Variants in ARHGAP5 observed in about 807,000 individuals in gnomAD.
The protein encoded by ARHGAP5 is Rho GTPase activating protein 5, also known as rho GTPase-activating protein 5.
In ARHGAP5, 23 loss-of-function variants were observed where a neutral mutation model predicts 116.6. That is an observed-to-expected ratio of 0.20 (90% confidence interval 0.14 to 0.28). ARHGAP5 has a LOEUF of 0.28. Among genes scored for constraint, ARHGAP5 ranks in the 10% least tolerant of loss-of-function variants. The pLI, the probability that ARHGAP5 is intolerant of heterozygous loss-of-function variation, is 1.00. For missense variants in ARHGAP5, 1,405 were observed against 1,774.8 expected (o/e 0.79, Z 3.74); for synonymous variants, 574 against 602.0 (o/e 0.95, Z 0.68).
intron 2 of ARHGAP5, among the ~76,000 whole-genome samples, chr14:32,096,379 G>A (rs973200439): frequency 3.9e-5 from 6 of 152,060 alleles, no homozygotes; most frequent in East Asian, 1.9e-4. Context: ...TACAGAGACC[G>A]TATGAAAAGT....
At chr14:32,088,781 TG>T (rs2041855938) in intron 1 of ARHGAP5, among the ~76,000 whole-genome samples, 1 of 152,034 alleles carries the variant, frequency 6.6e-6, no homozygotes, top group Non-Finnish European at 1.5e-5. Flanking sequence ...CAGCTTCCCA[TG>T]GTTCCAAGAA....
In ARHGAP5 at chr14:32,155,556, A is replaced by C. The variant is rs1488541038; in HGVS notation, c.*608A>C. The stretch of plus-strand genomic sequence containing the variant: ...AAACCCGTGGATGATTTGATGAGGG[A>C]TAAATGAACCTATTTCTTTTACACA... On this transcript the variant is annotated 3_prime_UTR_variant, in exon 7 of 7. Coordinates refer to ENST00000345122, the MANE Select transcript of ARHGAP5 (RefSeq NM_001030055.2). 1 of 152,812 alleles carries C rather than the reference A, an allele frequency of 6.5e-6. No homozygotes were observed. Among genetic ancestry groups the C allele is most frequent in the Non-Finnish European group, 1.5e-5 (1 of 68,154 alleles). The allele number at this position is 152,812 out of a possible 1,614,324, so 9.5% of individuals were successfully genotyped here. A position where few individuals can be genotyped will look rare whatever the true frequency, so the allele number is the denominator to read the frequency against.
intron 2 of ARHGAP5, among the ~76,000 whole-genome samples, chr14:32,107,918 C>T (rs1879089795): frequency 6.6e-6 from 1 of 152,054 alleles, no homozygotes; most frequent in African/African-American, 2.4e-5. Context: ...GAAGGGAGAA[C>T]TCACAACTGA....
intron 2 of ARHGAP5, among the ~76,000 whole-genome samples, chr14:32,105,597 A>G (rs963905786): frequency 6.6e-6 from 1 of 152,130 alleles, no homozygotes; most frequent in Non-Finnish European, 1.5e-5. Context: ...AATATGATCT[A>G]CAGATCTTAT....
chr14:32,098,153 A>C (rs1447230370), intron 2 of ARHGAP5, among the ~76,000 whole-genome samples: 2 of 152,222 alleles, frequency 1.3e-5, no homozygotes. Context: ...TAGCATGGAC[A>C]CTTCTGAAGA....
chr14:32,077,547 A>T, intron 1 of ARHGAP5, 112 bp downstream of exon 1: 1 of 597,732 alleles, frequency 1.7e-6, no homozygotes. Flanking sequence ...AACCAGTTGA[A>T]GGGGCTGGGG....
chr14:32,114,582 A>C (rs985192267), intron 2 of ARHGAP5, among the ~76,000 whole-genome samples: 1 of 152,152 alleles, frequency 6.6e-6, no homozygotes, highest in African/African-American at 2.4e-5. Context: ...CCCCCTTGAT[A>C]ACATTCCAGA....
Position 32,092,097 on chromosome 14 carries a change from T to C in ARHGAP5, c.1428T>C (p.Gly476=). 1 of 1,613,926 alleles carries C rather than the reference T, an allele frequency of 6.2e-7. No individual in the cohort carries two copies. The highest frequency in any genetic ancestry group is 8.5e-7 in the Non-Finnish European group (1 of 1,179,838). The change falls in exon 2 of 7, where the codon GGT becomes GGC. Residue 476 remains glycine (G), a synonymous_variant. Coordinates refer to ENST00000345122, the MANE Select transcript of ARHGAP5 (RefSeq NM_001030055.2). This position sits in a 1 kb window ranked among gnomAD's most constrained non-coding sequence, Gnocchi z 4.1. ...AGGCTGATAGCAAAGAGGTATATGGTAGGCATCAGCGAGAAATAGTTGAAA... is the reference window on the plus strand; with the variant it reads ...AGGCTGATAGCAAAGAGGTATATGGCAGGCATCAGCGAGAAATAGTTGAAA... ...ITEADSKEVY[G]RHQREIVEKA...
intron 1 of ARHGAP5, among the ~76,000 whole-genome samples, chr14:32,079,432 C>T (rs1489129245): frequency 6.6e-6 from 1 of 152,122 alleles, no homozygotes; most frequent in Non-Finnish European, 1.5e-5. Flanking sequence ...AAAATTATTA[C>T]CTTAATTCTG....
Position 32,092,041 on chromosome 14 carries a change from A to T in ARHGAP5, c.1372A>T (p.Met458Leu). 1 of 1,613,766 alleles carries T rather than the reference A, an allele frequency of 6.2e-7. No individual in the cohort carries two copies. The highest frequency in any genetic ancestry group is 8.5e-7 in the Non-Finnish European group (1 of 1,179,766). Reference protein sequence around the residue: ...QPWEEVMCFVMEDEAYKYITE... With the variant: ...QPWEEVMCFVLEDEAYKYITE... ...ATGGGAGGAAGTTATGTGCTTTGTT[A>T]TGGAGGATGAAGCCTACAAATATAT... The change falls in exon 2 of 7, where the codon ATG (methionine) becomes TTG (leucine). Residue 458 changes from methionine to leucine, a missense_variant. By Grantham distance (15) the Met-to-Leu change is conservative (BLOSUM62 2). Coordinates refer to ENST00000345122, the MANE Select transcript of ARHGAP5 (RefSeq NM_001030055.2). The surrounding 1 kb of genome is among the most constrained non-coding windows in gnomAD (Gnocchi z 4.1).
chr14:32,115,306 AT>A (rs1879497517), intron 2 of ARHGAP5, among the ~76,000 whole-genome samples: 1 of 152,108 alleles, frequency 6.6e-6, no homozygotes, highest in Non-Finnish European at 1.5e-5. Flanking sequence ...TTCTTACTTA[AT>A]TTTGTCTTTT....
chr14:32,141,694 C>G (rs988712634), intron 3 of ARHGAP5, among the ~76,000 whole-genome samples: 1 of 152,104 alleles, frequency 6.6e-6, no homozygotes, highest in African/African-American at 2.4e-5. Context: ...GACATGTATA[C>G]TAGTGACAAT....
At chr14:32,116,041 A>T (rs1266994756) in intron 2 of ARHGAP5, among the ~76,000 whole-genome samples, 1 of 151,856 alleles carries the variant, frequency 6.6e-6, no homozygotes, top group Non-Finnish European at 1.5e-5. Flanking sequence ...TAATCCCAGC[A>T]CTTTGGGAGG....
At chr14:32,133,158 T>A (rs1330031904) in intron 3 of ARHGAP5, among the ~76,000 whole-genome samples, 1 of 152,200 alleles carries the variant, frequency 6.6e-6, no homozygotes, top group Admixed American at 6.5e-5. Flanking sequence ...TGGCATTGAA[T>A]CTATAAATTA....
chr14:32,144,514 C>T (rs945858947), intron 3 of ARHGAP5, among the ~76,000 whole-genome samples: 7 of 151,852 alleles, frequency 4.6e-5, no homozygotes, highest in Admixed American at 6.6e-5. Context: ...GAAGGAGTCT[C>T]GCTCTGTCGC....
In ARHGAP5 at chr14:32,155,565, C is replaced by G. The variant is rs913175344; in HGVS notation, c.*617C>G. ...GATGATTTGATGAGGGATAAATGAACCTATTTCTTTTACACACATACCAAG... is the reference window on the plus strand; with the variant it reads ...GATGATTTGATGAGGGATAAATGAAGCTATTTCTTTTACACACATACCAAG... On this transcript the variant is annotated 3_prime_UTR_variant, in exon 7 of 7. Transcript: ENST00000345122. The G allele has an allele frequency of 1.3e-5, 2 of 152,698 alleles. No homozygotes were observed. Among genetic ancestry groups the G allele is most frequent in the African/African-American group, 4.8e-5 (2 of 41,436 alleles). 9.5% of individuals were successfully genotyped at this position (152,698 alleles called of 1,614,324 possible). A position where few individuals can be genotyped will look rare whatever the true frequency, so the allele number is the denominator to read the frequency against.
At chr14:32,132,920 G>C (rs1880580967) in intron 3 of ARHGAP5, among the ~76,000 whole-genome samples, 2 of 152,002 alleles carry the variant, frequency 1.3e-5, no homozygotes, top group African/African-American at 2.4e-5. Flanking sequence ...ATTTCTGAGG[G>C]CTCTGTTCTG....
intron 6 of ARHGAP5, chr14:32,153,907 G>A (rs1473519519): frequency 6.6e-6 from 1 of 151,462 alleles, no homozygotes; most frequent in Non-Finnish European, 1.5e-5. Context: ...AAGGAAGAAA[G>A]GAGAGAGAAA....
intron 1 of ARHGAP5, 150 bp downstream of exon 1, chr14:32,077,585 G>T (rs2041720583): frequency 1.8e-6 from 1 of 554,466 alleles, no homozygotes. Context: ...GGAGCCTGGC[G>T]CTGCGCTCGG....
Sources: allele counts gnomAD v4.1 joint callset (sites outside exome capture counted in the v4.1 genomes callset), GRCh38; gene constraint gnomAD v4.1.1; non-coding constraint Gnocchi (gnomAD v3.1); transcripts MANE v1.5; gene names NCBI Gene and HGNC (gene_info 2026-07-23, HGNC 2026-07-21).